Variants in ANKRD17 observed in about 807,000 individuals in gnomAD.
The protein encoded by ANKRD17 is ankyrin repeat domain-containing protein 17.
A neutral mutation model predicts 229.7 loss-of-function variants in ANKRD17; 19 were observed. The ratio of observed to expected loss-of-function variants is 0.08; its 90% CI spans 0.06 to 0.12. The LOEUF is 0.12. Among genes scored for constraint, ANKRD17 ranks in the 10% least tolerant of loss-of-function variants. ANKRD17 has a pLI of 1.00. For synonymous variants in ANKRD17, 1,112 were observed against 1,146.1 expected (o/e 0.97, Z 0.60); for missense variants, 2,176 against 3,176.8 (o/e 0.68, Z 7.57).
intron 30 of ANKRD17, among the ~76,000 whole-genome samples, chr4:73,083,782 T>C (rs538699658): frequency 9.9e-5 from 15 of 152,276 alleles, no homozygotes; most frequent in African/African-American, 3.4e-4. Context: ...TATAAATTCA[T>C]TGCAGGCTAC....
In ANKRD17 at chr4:73,108,087, C is replaced by T. The variant is rs187039563; in HGVS notation, c.4402-5540G>A. On this transcript the variant is annotated intron_variant, in intron 24 of 33. Coordinates refer to ENST00000358602, the MANE Select transcript of ANKRD17 (RefSeq NM_032217.5). ...AATCACAGCTCACCGCAGTGACCTC[C>T]CCAGGCTCAGGTGATCCTCCCACCT... Among the ~76,000 whole-genome samples, 572 of 152,246 alleles carry T rather than the reference C, an allele frequency of 3.8e-3. 1 individual carries two copies. The highest frequency in any genetic ancestry group is 0.02 in the Middle Eastern group (6 of 294).
intron 24 of ANKRD17, among the ~76,000 whole-genome samples, chr4:73,110,354 C>T (rs1044515978): frequency 1.3e-5 from 2 of 152,190 alleles, no homozygotes; most frequent in African/African-American, 4.8e-5. Context: ...GGCCACTGAT[C>T]TCTTTTTCTT....
At position 73,077,000 on chromosome 4, in the gene ANKRD17, A is replaced by G. The variant is rs368268059; in HGVS notation, c.7692T>C (p.Pro2564=). 3 of 1,613,630 alleles carry G rather than the reference A, an allele frequency of 1.9e-6. No individual in the cohort carries two copies. Among genetic ancestry groups the G allele is most frequent in the African/African-American group, 2.7e-5 (2 of 74,926 alleles). The change falls in exon 33 of 34, where the codon CCT becomes CCC. Residue 2564 remains proline (P), a synonymous_variant. Coordinates refer to ENST00000358602, the MANE Select transcript of ANKRD17 (RefSeq NM_032217.5). ...CCATCTTTATCAGTGAGTTCCAAGA[A>G]GGGTCTGCAGCATGAGGGCCATTAA... ...PIFNGPHAAD[P]SWNSLIKMVS...
At chr4:73,100,768 A>C (rs1723879711) in intron 25 of ANKRD17, 1 of 886,682 alleles carries the variant, frequency 1.1e-6, no homozygotes, top group Admixed American at 6.2e-5. Context: ...TTAATCCTTA[A>C]AATTTTCTGT....
At position 73,127,081 on chromosome 4, in the gene ANKRD17, C is replaced by T. The variant is rs370458886; in HGVS notation, c.3235-1769G>A. On this transcript the variant is annotated intron_variant, in intron 16 of 33. Transcript: ENST00000358602. ...AATTTGAGTAAATGAATCTACTTTTCGACTGCACATTTAATTAAATCTAGA... is the reference window on the plus strand; with the variant it reads ...AATTTGAGTAAATGAATCTACTTTTTGACTGCACATTTAATTAAATCTAGA... Among the ~76,000 whole-genome samples the T allele has an allele frequency of 3.9e-5, 6 of 152,208 alleles. No homozygotes were observed. In the East Asian group the frequency reaches 5.8e-4, roughly 15 times the overall value.
intron 1 of ANKRD17, among the ~76,000 whole-genome samples, chr4:73,253,564 A>G (rs1203578221): frequency 6.6e-6 from 1 of 152,238 alleles, no homozygotes; most frequent in Non-Finnish European, 1.5e-5. Context: ...AGAGATTTAA[A>G]AACTCGGCCA....
chr4:73,094,054 G>T (rs1204030969), intron 28 of ANKRD17, 25 bp downstream of exon 28: 2 of 1,608,878 alleles, frequency 1.2e-6, no homozygotes, highest in South Asian at 1.1e-5. Context: ...AATAAAGGAA[G>T]AAAATGTAAG....
chr4:73,194,422 T>C (rs1737561241), intron 1 of ANKRD17, among the ~76,000 whole-genome samples: 1 of 152,238 alleles, frequency 6.6e-6, no homozygotes, highest in African/African-American at 2.4e-5. Context: ...ACTATTCTGA[T>C]CCATTAATAT....
intron 1 of ANKRD17, among the ~76,000 whole-genome samples, chr4:73,252,957 C>T (rs890203052): frequency 1.3e-5 from 2 of 152,060 alleles, no homozygotes; most frequent in African/African-American, 2.4e-5. Context: ...TGCAAAAAAG[C>T]GTCTCCCCTT....
intron 30 of ANKRD17, among the ~76,000 whole-genome samples, chr4:73,081,883 C>T (rs987744008): frequency 5.3e-5 from 8 of 152,198 alleles, no homozygotes; most frequent in African/African-American, 1.7e-4. Context: ...TGGTGGCTCA[C>T]ACCTGCAATC....
At chr4:73,103,983 C>G (rs560492299) in intron 24 of ANKRD17, 1 of 152,120 alleles carries the variant, frequency 6.6e-6, no homozygotes, top group Non-Finnish European at 1.5e-5. Flanking sequence ...TTACACCCTG[C>G]GGTAATGCAA....
In ANKRD17 at chr4:73,128,282, C is replaced by T. The variant is rs928357837; in HGVS notation, c.3235-2970G>A. On this transcript the variant is annotated intron_variant, in intron 16 of 33. Coordinates refer to ENST00000358602, the MANE Select transcript of ANKRD17 (RefSeq NM_032217.5). ...AAATCCTGCTCTCCCCACTATATCA[C>T]AGAGGGGCCCTAAGGCAAAGCAGAT... Among the ~76,000 whole-genome samples, 9 of 152,342 alleles carry T rather than the reference C, an allele frequency of 5.9e-5. No individual in the cohort carries two copies. In the South Asian group the frequency reaches 1.9e-3, roughly 32 times the overall value.
rs1335662218 is a variant in ANKRD17 at position 73,073,628 on chromosome 4, C to CA, written c.*2602dup. On this transcript the variant is annotated 3_prime_UTR_variant, in exon 34 of 34. Coordinates refer to ENST00000358602, the MANE Select transcript of ANKRD17 (RefSeq NM_032217.5). Reference sequence around the variant, plus strand: ...AAAAATGACTATACGTAGTCATTTACAAAAAAATTAATTTTCATGTATCAA... The same window carrying CA: ...AAAAATGACTATACGTAGTCATTTACAAAAAAAATTAATTTTCATGTATCAA... 1 of 151,810 alleles carries CA rather than the reference C, an allele frequency of 6.6e-6. No homozygotes were observed. 9.4% of individuals were successfully genotyped at this position (151,810 alleles called of 1,614,324 possible). A position where few individuals can be genotyped will look rare whatever the true frequency, so the allele number is the denominator to read the frequency against.
At chr4:73,245,373 T>C (rs1437967273) in intron 1 of ANKRD17, among the ~76,000 whole-genome samples, 1 of 152,210 alleles carries the variant, frequency 6.6e-6, no homozygotes. Flanking sequence ...AGGGTGATCA[T>C]CCTCAGTGAG....
At chr4:73,207,397 G>A (rs1393367223) in intron 1 of ANKRD17, among the ~76,000 whole-genome samples, 1 of 152,122 alleles carries the variant, frequency 6.6e-6, no homozygotes, top group Non-Finnish European at 1.5e-5. Context: ...GAAACAATTA[G>A]CAAGATGGTG....
At chr4:73,152,741 G>C (rs562608382) in intron 6 of ANKRD17, among the ~76,000 whole-genome samples, 2 of 152,066 alleles carry the variant, frequency 1.3e-5, no homozygotes, top group African/African-American at 4.8e-5. Context: ...TGTGAGAAGG[G>C]GAGAGAGCCA....
At chr4:73,185,206 A>T (rs1034558014) in intron 1 of ANKRD17, among the ~76,000 whole-genome samples, 8 of 151,644 alleles carry the variant, frequency 5.3e-5, no homozygotes, top group African/African-American at 1.9e-4. Flanking sequence ...AAAAATATTT[A>T]AAAAATAAAT....
At chr4:73,232,175 A>T (rs191064003) in intron 1 of ANKRD17, among the ~76,000 whole-genome samples, 2 of 152,328 alleles carry the variant, frequency 1.3e-5, no homozygotes, top group East Asian at 3.9e-4. Context: ...GGCTAAGTAT[A>T]TAAGATCAGC....
chr4:73,103,828 G>T (rs13101771), intron 24 of ANKRD17, among the ~76,000 whole-genome samples: 66,528 of 146,294 alleles, frequency 0.45, 14,985 homozygotes, highest in Admixed American at 0.54. Flanking sequence ...ACCCTCTCCG[G>T]TTTTTTTTTT....
Sources: allele counts gnomAD v4.1 joint callset (sites outside exome capture counted in the v4.1 genomes callset), GRCh38; gene constraint gnomAD v4.1.1; transcripts MANE v1.5; gene names NCBI Gene and HGNC (gene_info 2026-07-23, HGNC 2026-07-21).